BBS2: variants seen among roughly 807,000 people sequenced by gnomAD.
BBS2 encodes BBSome complex member BBS2.
A neutral mutation model predicts 83.0 loss-of-function variants in BBS2; 62 were observed. The ratio of observed to expected loss-of-function variants is 0.75; its 90% CI spans 0.61 to 0.92. The LOEUF is 0.92. Among genes scored for constraint, BBS2 ranks in the 40% least tolerant of loss-of-function variants. The pLI, the probability that BBS2 is intolerant of heterozygous loss-of-function variation, is 0.00. For synonymous variants in BBS2, 303 were observed against 326.1 expected, an observed-to-expected ratio of 0.93 and a Z score of 0.76; for missense variants, 784 against 901.0, an observed-to-expected ratio of 0.87 and a Z score of 1.66.
chr16:56,471,970 T>C (rs1268216540), intron 17 of BBS2, among the ~76,000 whole-genome samples: 2 of 152,100 alleles, frequency 1.3e-5, no homozygotes, highest in Non-Finnish European at 2.9e-5. Flanking sequence ...TTTGTTTGTT[T>C]GTTTGTTTTG....
At chr16:56,476,098 G>C in intron 17 of BBS2, 3 of 1,613,854 alleles carry the variant, frequency 1.9e-6, no homozygotes, top group Non-Finnish European at 2.5e-6. Flanking sequence ...CAGAGACAGA[G>C]AGACTCTGAA....
chr16:56,501,712 G>C (rs1964281088), intron 9 of BBS2: 1 of 610,892 alleles, frequency 1.6e-6, no homozygotes. Flanking sequence ...TCTTTCTATG[G>C]GTATGGTCCA....
intron 2 of BBS2, among the ~76,000 whole-genome samples, chr16:56,512,243 C>G (rs1964598237): frequency 6.6e-6 from 1 of 152,138 alleles, no homozygotes; most frequent in African/African-American, 2.4e-5. Flanking sequence ...ACACTGCAGG[C>G]AGGAGTATAA....
At chr16:56,496,818 C>A in intron 15 of BBS2, 149 bp downstream of exon 15, 1 of 711,690 alleles carries the variant, frequency 1.4e-6, no homozygotes, top group South Asian at 1.5e-5. Flanking sequence ...TCATAGAGGA[C>A]ATGCATTTTC....
At position 56,501,225 on chromosome 16, in the gene BBS2, G is replaced by A; in HGVS notation, c.1225+128C>T. ...CTTGGGAGGCTGAGACAGGAGAATG[G>A]CATGAACCCGGGAGGCAGAGCTTGC... On this transcript the variant is annotated intron_variant, in intron 10 of 16. Coordinates refer to ENST00000245157, the MANE Select transcript of BBS2 (RefSeq NM_031885.5). 5 of 1,366,000 alleles carry A rather than the reference G, an allele frequency of 3.7e-6. No individual in the cohort carries two copies. The Admixed American group carries it at 5.1e-5, about 14-fold the overall frequency. 84.6% of individuals were successfully genotyped at this position (1,366,000 alleles called of 1,614,324 possible).
chr16:56,501,094 A>C, intron 10 of BBS2, 69 bp from the exon 11 acceptor site: 1 of 1,535,464 alleles, frequency 6.5e-7, no homozygotes. Context: ...GCAGATCACG[A>C]GGTCAGGAGG....
downstream of BBS2, among the ~76,000 whole-genome samples, chr16:56,480,579 T>C (rs528051815): frequency 1.5e-4 from 23 of 152,092 alleles, no homozygotes; most frequent in Admixed American, 4.6e-4. Context: ...TTAGTAGAGA[T>C]GGGATTTCAC....
At chr16:56,516,339 G>A (rs1597029556) in intron 1 of BBS2, among the ~76,000 whole-genome samples, 2 of 152,142 alleles carry the variant, frequency 1.3e-5, no homozygotes, top group Non-Finnish European at 2.9e-5. Context: ...ATTACCATGA[G>A]AGAAAAAATG....
intron 17 of BBS2, chr16:56,476,383 G>A: frequency 2.3e-6 from 1 of 437,718 alleles, no homozygotes; most frequent in African/African-American, 2.1e-5. Context: ...TGAGCTTGCA[G>A]CTAAGTACTT....
chr16:56,497,017 CA>C lies in BBS2; in HGVS notation c.1859del (p.Leu620Ter). The C allele has an allele frequency of 1.2e-6, 2 of 1,614,132 alleles. No homozygotes were observed. The highest frequency in any genetic ancestry group is 1.7e-6 in the Non-Finnish European group (2 of 1,179,982). On this transcript the variant is annotated frameshift_variant, in exon 15 of 17. Coordinates refer to ENST00000245157, the MANE Select transcript of BBS2 (RefSeq NM_031885.5). LOFTEE classifies it high-confidence loss of function. ...CAGCTCCGACCAGCAAACTTCGGATCAAATTAGAATGATCAGCCATATCAGC... is the reference window on the plus strand; with the variant it reads ...CAGCTCCGACCAGCAAACTTCGGATCAATTAGAATGATCAGCCATATCAGC... ...LSADMADHSN[L>X]IRSLLVGAED...
chr16:56,505,314 A>G (rs943853828), intron 7 of BBS2, among the ~76,000 whole-genome samples: 2 of 152,230 alleles, frequency 1.3e-5, no homozygotes, highest in Non-Finnish European at 2.9e-5. Flanking sequence ...GAGAAAAGTA[A>G]AGATAAATCA....
At chr16:56,511,373 G>A (rs2144182514) in intron 2 of BBS2, 89 bp from the exon 3 acceptor site, 3 of 1,554,116 alleles carry the variant, frequency 1.9e-6, no homozygotes, top group Admixed American at 1.7e-5. Context: ...AAACTGAGCA[G>A]ATTTTGAGTA....
intron 17 of BBS2, chr16:56,474,949 A>C: frequency 6.2e-7 from 1 of 1,613,562 alleles, no homozygotes; most frequent in Non-Finnish European, 8.5e-7. Flanking sequence ...GTGGCTGTGA[A>C]GGTAAGAGGG....
At chr16:56,502,908 A>T in intron 7 of BBS2, 100 bp from the exon 8 acceptor site, 1 of 1,391,426 alleles carries the variant, frequency 7.2e-7, no homozygotes, top group Non-Finnish European at 1.0e-6. Flanking sequence ...TTAGTCTAGC[A>T]GTTTTCAAGA....
At chr16:56,483,537 C>T (rs896510013), downstream of BBS2, among the ~76,000 whole-genome samples, 1 of 152,132 alleles carries the variant, frequency 6.6e-6, no homozygotes, top group Non-Finnish European at 1.5e-5. Context: ...GAAATCCTTA[C>T]ATAATAAATG....
At position 56,498,798 on chromosome 16, in the gene BBS2, G is replaced by GT. The variant is rs1170685187; in HGVS notation, c.1528-231dup. Reference sequence around the variant, plus strand: ...TTTCTCACCTCACCTATGCTCTTAAGTAACATTCATAATTATGCCTGGCCC... The same window carrying GT: ...TTTCTCACCTCACCTATGCTCTTAAGTTAACATTCATAATTATGCCTGGCCC... On this transcript the variant is annotated intron_variant, in intron 12 of 16. Transcript: ENST00000245157. 3 of 1,181,982 alleles carry GT rather than the reference G, an allele frequency of 2.5e-6. No homozygotes were observed. The African/African-American group carries it at 4.7e-5, about 18-fold the overall frequency. 73.2% of individuals were successfully genotyped at this position (1,181,982 alleles called of 1,614,324 possible). A position where few individuals can be genotyped will look rare whatever the true frequency, so the allele number is the denominator to read the frequency against.
rs565020403 is a variant in BBS2, at chr16:56,516,904, G to A, written c.118-2224C>T. 2.0e-5 allele frequency among the ~76,000 whole-genome samples: 3 copies of A among 152,172 alleles called. No individual in the cohort carries two copies. The South Asian group carries it at 6.2e-4, about 31-fold the overall frequency. ...TTCTTTTTAAGGTCTCAAGATAAAAGATCAGGTCAGAACTTTTTAGATTTG... is the reference window on the plus strand; with the variant it reads ...TTCTTTTTAAGGTCTCAAGATAAAAAATCAGGTCAGAACTTTTTAGATTTG... On this transcript the variant is annotated intron_variant, in intron 1 of 16. Transcript: ENST00000245157.
intron 7 of BBS2, among the ~76,000 whole-genome samples, chr16:56,503,262 G>GTTTCTCCATGTTCTGGTTATTGGGTA (rs1964329406): frequency 3.9e-5 from 6 of 152,286 alleles, no homozygotes; most frequent in Admixed American, 2.6e-4. Context: ...GAAATTAACA[G>GTTTCTCCATGTTCTGGTTATTGGGTA]TACTATATCC....
At chr16:56,479,595 T>A (rs1963610424), downstream of BBS2, among the ~76,000 whole-genome samples, 1 of 152,248 alleles carries the variant, frequency 6.6e-6, no homozygotes, top group African/African-American at 2.4e-5. Flanking sequence ...CAGCCACTGG[T>A]AGCTTTGTCA....
Sources: gnomAD v4.1 joint callset for allele counts (sites outside exome capture counted in the v4.1 genomes callset) on GRCh38, gnomAD v4.1.1 for gene constraint, MANE v1.5 for transcripts, NCBI Gene and HGNC (gene_info 2026-07-23, HGNC 2026-07-21) for gene names.